Variants in PAK3 observed in about 807,000 individuals in gnomAD.
PAK3 encodes p21 (RAC1) activated kinase 3, also known as serine/threonine-protein kinase PAK 3.
PAK3 carries 4 observed loss-of-function variants against 41.0 expected under a neutral mutation model. The observed-to-expected ratio is 0.10, with a 90% CI of 0.05 to 0.22. PAK3 has a LOEUF of 0.22. Ranked by LOEUF, PAK3 falls within the 10% of genes least tolerant of loss-of-function variation. PAK3 has a pLI of 1.00. For synonymous variants in PAK3, 146 were observed against 139.6 expected (o/e 1.05, Z -0.32); for missense variants, 205 against 409.9 (o/e 0.50, Z 4.32).
rs140214087 is a variant in PAK3 at position 111,087,574 on chromosome X, G to C, written c.-27-35503G>C. Among the ~76,000 whole-genome samples the C allele has an allele frequency of 5.4e-5, 6 of 110,282 alleles. No individual in the cohort carries two copies. In the East Asian group the frequency reaches 1.4e-3, roughly 26 times the overall value. ...ACTTTGTTTGTAAATTCACACTTGA[G>C]ACCACTTAATTTGAAGTGTGACTGA... On this transcript the variant is annotated intron_variant, in intron 1 of 14. Transcript: ENST00000425146.
In PAK3 at chrX:111,037,371, G is replaced by A. The variant is rs138153603; in HGVS notation, c.-27-85706G>A. On this transcript the variant is annotated intron_variant, in intron 1 of 14. Coordinates refer to the PAK3 transcript ENST00000425146. ...CCCTACAAATAGTTTGAAATTGAGA[G>A]GATTTCCTTTTGGGATTTGTTTGGG... is the stretch of plus-strand genomic sequence containing the variant. Among the ~76,000 whole-genome samples, 25 of 112,026 alleles carry A rather than the reference G, an allele frequency of 2.2e-4. No individual in the cohort carries two copies. In the East Asian group the frequency reaches 7.0e-3, roughly 32 times the overall value.
chrX:110,950,806 A>G (rs1394502133), intron 1 of PAK3, among the ~76,000 whole-genome samples: 1 of 111,498 alleles, frequency 9.0e-6, no homozygotes, highest in Non-Finnish European at 1.9e-5. Flanking sequence ...CAATTTTGTC[A>G]TATAAATTTA....
At chrX:110,968,144 G>T (rs1278651659) in intron 1 of PAK3, among the ~76,000 whole-genome samples, 1 of 112,647 alleles carries the variant, frequency 8.9e-6, no homozygotes, top group Non-Finnish European at 1.9e-5. Flanking sequence ...CACCCAGGTT[G>T]TTGCATATAC....
chrX:111,027,062 G>T (rs373845860), intron 1 of PAK3, among the ~76,000 whole-genome samples: 1 of 111,404 alleles, frequency 9.0e-6, no homozygotes, highest in Non-Finnish European at 1.9e-5. Flanking sequence ...GTGAGGAAAG[G>T]ACACTCTATG....
chrX:111,047,455 T>C (rs769540058), intron 1 of PAK3, among the ~76,000 whole-genome samples: 6 of 110,218 alleles, frequency 5.4e-5, no homozygotes, highest in Admixed American at 3.9e-4. Context: ...CTGTAGGAGA[T>C]AGAGAAGAAA....
intron 8 of PAK3, among the ~76,000 whole-genome samples, chrX:111,156,354 G>A (rs1235789321): frequency 9.0e-6 from 1 of 111,659 alleles, no homozygotes; most frequent in East Asian, 2.8e-4. Context: ...TGAGTTTGAA[G>A]GGCTGGCAGG....
Position 111,089,568 on chromosome X carries a change from A to T in PAK3, c.-27-33509A>T, listed in dbSNP as rs772929754. On this transcript the variant is annotated intron_variant, in intron 1 of 14. Transcript: ENST00000425146. The stretch of plus-strand genomic sequence containing the variant: ...AGATGCCATTTGAGTAGAGTCTGGA[A>T]ATATGTGTTCAATATCATTGGGTAG... Among the ~76,000 whole-genome samples, 4 of 111,542 alleles carry T rather than the reference A, an allele frequency of 3.6e-5. No individual in the cohort carries two copies. The South Asian group carries it at 1.5e-3, about 43-fold the overall frequency.
chrX:111,035,208 C>A (rs2092387795), intron 1 of PAK3, among the ~76,000 whole-genome samples: 1 of 108,014 alleles, frequency 9.3e-6, no homozygotes, highest in African/African-American at 3.4e-5. Context: ...GCCTTGCCAA[C>A]CTCATTGCTT....
At chrX:111,177,434 G>A (rs1262568008) in intron 11 of PAK3, among the ~76,000 whole-genome samples, 2 of 112,335 alleles carry the variant, frequency 1.8e-5, no homozygotes, top group African/African-American at 6.5e-5. Context: ...GGCCATATCT[G>A]TGAGTTGAAG....
chrX:111,082,420 G>A (rs1436345129), intron 1 of PAK3, among the ~76,000 whole-genome samples: 2 of 111,641 alleles, frequency 1.8e-5, no homozygotes, highest in Admixed American at 1.9e-4. Flanking sequence ...CTTTATAAAG[G>A]TTCAAAAATG....
intron 1 of PAK3, among the ~76,000 whole-genome samples, chrX:111,005,683 C>A (rs1053093648): frequency 1.5e-4 from 17 of 111,486 alleles, no homozygotes; most frequent in Non-Finnish European, 2.3e-4. Context: ...TTGCTATATC[C>A]CCGGTGTTCT....
Position 111,225,007 on chromosome X carries a change from A to G in PAK3, c.*4560A>G, listed in dbSNP as rs995756401. The G allele has an allele frequency of 8.9e-6, 1 of 112,167 alleles. No individual in the cohort carries two copies. Among genetic ancestry groups the G allele is most frequent in the African/African-American group, 3.2e-5 (1 of 30,889 alleles). The allele number at this position is 112,167 out of a possible 1,213,427, so 9.2% of individuals were successfully genotyped here. On this transcript the variant is annotated 3_prime_UTR_variant, in exon 18 of 18. Coordinates refer to ENST00000372007, the MANE Select transcript of PAK3 (RefSeq NM_002578.5). ...TCTCCCAGTCTCTGAGCTCTGAACA[A>G]GAGGACTGAAATTCAGCATTTGTAA... is the stretch of plus-strand genomic sequence containing the variant.
At chrX:110,946,036 C>A (rs762348314) in intron 1 of PAK3, among the ~76,000 whole-genome samples, 1 of 111,396 alleles carries the variant, frequency 9.0e-6, no homozygotes, top group South Asian at 3.8e-4. Context: ...CAAGATAGAG[C>A]GTGTAAACAG....
At chrX:111,196,323 T>G in intron 15 of PAK3, 121 bp from the exon 16 acceptor site, 13 of 567,378 alleles carry the variant, frequency 2.3e-5, no homozygotes, top group Non-Finnish European at 3.6e-5. Flanking sequence ...CAAAAAGGTA[T>G]GAGCTAGGCA....
At chrX:111,194,227 C>A in intron 13 of PAK3, 74 bp from the exon 14 acceptor site, 1 of 635,723 alleles carries the variant, frequency 1.6e-6, no homozygotes, top group Non-Finnish European at 2.7e-6. Flanking sequence ...TCTATCAGAA[C>A]TGAGGCCTGG....
chrX:111,172,965 T>G (rs1238446655), intron 10 of PAK3, 53 bp from the exon 11 acceptor site: 1 of 655,037 alleles, frequency 1.5e-6, no homozygotes, highest in African/African-American at 2.2e-5. Flanking sequence ...TCTCTCTCTC[T>G]CTCTCTCTCT....
chrX:111,112,562 A>G (rs1393143161), intron 4 of PAK3, among the ~76,000 whole-genome samples: 4 of 110,311 alleles, frequency 3.6e-5, no homozygotes, highest in African/African-American at 1.3e-4. Context: ...CCCTCCAGGC[A>G]CCATTAGCTA....
intron 1 of PAK3, among the ~76,000 whole-genome samples, chrX:110,973,252 C>G (rs1420840211): frequency 9.0e-6 from 1 of 111,349 alleles, no homozygotes; most frequent in African/African-American, 3.3e-5. Flanking sequence ...AAACCCAACA[C>G]ACCTAATTGT....
At chrX:110,976,463 A>G (rs888037467) in intron 1 of PAK3, among the ~76,000 whole-genome samples, 9 of 112,101 alleles carry the variant, frequency 8.0e-5, no homozygotes, top group Non-Finnish European at 1.5e-4. Context: ...GAAACAACAG[A>G]TGCTGGAGAG....
Sources: allele counts gnomAD v4.1 joint callset (sites outside exome capture counted in the v4.1 genomes callset), GRCh38; gene constraint gnomAD v4.1.1; transcripts MANE v1.5; gene names NCBI Gene and HGNC (gene_info 2026-07-23, HGNC 2026-07-21).